SEC11A: variants seen among roughly 807,000 people sequenced by gnomAD.
The protein encoded by SEC11A is signal peptidase complex catalytic subunit SEC11A.
In SEC11A, 14 loss-of-function variants were observed where a neutral mutation model predicts 25.6. The ratio of observed to expected loss-of-function variants is 0.55; its 90% CI spans 0.36 to 0.85. The LOEUF (loss-of-function observed/expected upper bound fraction) is 0.85. SEC11A is among the 40% of genes least tolerant of loss of function. The pLI is 0.01. For missense variants in SEC11A, 153 were observed against 222.9 expected (o/e 0.69, Z 2.00); for synonymous variants, 83 against 76.4 (o/e 1.09, Z -0.45).
chr15:84,713,209 A>C (rs901319451), intron 1 of SEC11A, among the ~76,000 whole-genome samples: 8 of 151,850 alleles, frequency 5.3e-5, no homozygotes, highest in East Asian at 1.9e-4. Flanking sequence ...AAAAAAAAAA[A>C]CACTTATCAA....
intron 4 of SEC11A, among the ~76,000 whole-genome samples, chr15:84,674,211 A>G (rs912045581): frequency 6.7e-6 from 1 of 150,214 alleles, no homozygotes; most frequent in Non-Finnish European, 1.5e-5. Context: ...TCTACATTTT[A>G]TATATATTTA....
chr15:84,671,970 C>T (rs1044058664), intron 4 of SEC11A: 2 of 152,202 alleles, frequency 1.3e-5, no homozygotes, highest in African/African-American at 4.8e-5. Context: ...TCTTCTTTAT[C>T]CTCCTCTTCT....
intron 1 of SEC11A, among the ~76,000 whole-genome samples, chr15:84,694,795 A>C (rs1003558559): frequency 1.3e-5 from 2 of 151,956 alleles, no homozygotes; most frequent in South Asian, 2.1e-4. Context: ...CTCTACAAAA[A>C]AAAATACAAA....
At chr15:84,708,385 G>A (rs537298686) in intron 1 of SEC11A, among the ~76,000 whole-genome samples, 1 of 151,998 alleles carries the variant, frequency 6.6e-6, no homozygotes, top group South Asian at 2.1e-4. Flanking sequence ...AGATTTTCCT[G>A]AACCTAAATA....
intron 1 of SEC11A, among the ~76,000 whole-genome samples, chr15:84,711,900 C>G (rs1898282517): frequency 6.6e-6 from 1 of 151,632 alleles, no homozygotes; most frequent in African/African-American, 2.4e-5. Context: ...AGGGTGGTAC[C>G]CAGAGACTAA....
intron 3 of SEC11A, among the ~76,000 whole-genome samples, chr15:84,685,501 T>C (rs990427512): frequency 1.3e-5 from 2 of 151,558 alleles, no homozygotes; most frequent in East Asian, 3.9e-4. Context: ...CTAGAGCTCC[T>C]GCGCTCAAGC....
intron 3 of SEC11A, among the ~76,000 whole-genome samples, chr15:84,685,544 G>T (rs1897395459): frequency 6.6e-6 from 1 of 151,928 alleles, no homozygotes; most frequent in Non-Finnish European, 1.5e-5. Flanking sequence ...AAAGGGCTGG[G>T]ATTACAGGCA....
At chr15:84,681,953 C>A (rs1012663149) in intron 3 of SEC11A, among the ~76,000 whole-genome samples, 5 of 152,060 alleles carry the variant, frequency 3.3e-5, no homozygotes, top group African/African-American at 1.2e-4. Flanking sequence ...GCCTGTGGTT[C>A]CAGCTGAGTT....
chr15:84,693,108 C>T (rs758125122), intron 1 of SEC11A, among the ~76,000 whole-genome samples: 9 of 152,186 alleles, frequency 5.9e-5, no homozygotes, highest in Admixed American at 5.2e-4. Context: ...CAGGTATGAG[C>T]CACCATGCCT....
chr15:84,685,739 C>G (rs1177617940), intron 3 of SEC11A: 1 of 150,460 alleles, frequency 6.6e-6, no homozygotes, highest in African/African-American at 2.5e-5. Flanking sequence ...AATCCACTTT[C>G]AGAATCTGGA....
chr15:84,681,172 C>T (rs953707660), intron 3 of SEC11A, among the ~76,000 whole-genome samples: 10 of 152,190 alleles, frequency 6.6e-5, no homozygotes, highest in African/African-American at 2.4e-4. Flanking sequence ...AAAATAAATA[C>T]ACACTACCAA....
At chr15:84,676,168 A>G (rs897608366) in intron 4 of SEC11A, among the ~76,000 whole-genome samples, 58 of 152,324 alleles carry the variant, frequency 3.8e-4, no homozygotes, top group African/African-American at 1.3e-3. Context: ...TATGTGAATT[A>G]TATCTCAATA....
chr15:84,688,991 T>C (rs1897513793), intron 2 of SEC11A, among the ~76,000 whole-genome samples: 1 of 148,042 alleles, frequency 6.8e-6, no homozygotes, highest in Non-Finnish European at 1.5e-5. Flanking sequence ...GATTGCGCCA[T>C]TGCACTCCAG....
At chr15:84,673,429 G>GAA in intron 4 of SEC11A, 2 of 152,138 alleles carry the variant, frequency 1.3e-5, no homozygotes, top group Non-Finnish European at 2.8e-5. Context: ...TTCTGCCTTG[G>GAA]GAAAAAAAAA....
At chr15:84,700,475 T>G (rs1426565150) in intron 1 of SEC11A, among the ~76,000 whole-genome samples, 1 of 150,476 alleles carries the variant, frequency 6.6e-6, no homozygotes, top group African/African-American at 2.5e-5. Flanking sequence ...ATGCCTGTAG[T>G]CCTAGCTAAT....
At chr15:84,711,216 T>C (rs1447285968) in intron 1 of SEC11A, among the ~76,000 whole-genome samples, 1 of 151,604 alleles carries the variant, frequency 6.6e-6, no homozygotes, top group Non-Finnish European at 1.5e-5. Flanking sequence ...ACCCAGACTC[T>C]ACAAAAAACA....
intron 4 of SEC11A, among the ~76,000 whole-genome samples, chr15:84,674,618 GT>G (rs1296368614): frequency 6.6e-6 from 1 of 152,010 alleles, no homozygotes; most frequent in African/African-American, 2.4e-5. Context: ...GAATGCAGTG[GT>G]GTGATCATAG....
intron 1 of SEC11A, among the ~76,000 whole-genome samples, chr15:84,693,584 A>C (rs965560602): frequency 2.6e-5 from 4 of 151,822 alleles, no homozygotes; most frequent in Non-Finnish European, 4.4e-5. Context: ...TAGCCTCCCA[A>C]GTAGCTGGGA....
At position 84,699,107 on chromosome 15, in the gene SEC11A, G is replaced by C. The variant is rs111347073; in HGVS notation, c.52-7463C>G. Among the ~76,000 whole-genome samples the C allele has an allele frequency of 7.0e-3, 1,061 of 152,204 alleles. 10 individuals are homozygous for C. The highest frequency in any genetic ancestry group is 0.024 in the African/African-American group (1,008 of 41,538). On this transcript the variant is annotated intron_variant, in intron 1 of 5. Transcript: ENST00000268220. The stretch of plus-strand genomic sequence containing the variant: ...AGGAGGGCAGATCACTTGAGGCCAG[G>C]AGTTTGAGACCAGCCTGGCCAACAT...
Sources: gnomAD v4.1 joint callset for allele counts (sites outside exome capture counted in the v4.1 genomes callset) on GRCh38, gnomAD v4.1.1 for gene constraint, MANE v1.5 for transcripts, NCBI Gene and HGNC (gene_info 2026-07-23, HGNC 2026-07-21) for gene names.